The following INPP5D variants were observed in gnomAD, a reference collection of about 807,000 sequenced individuals.
The protein encoded by INPP5D is inositol polyphosphate-5-phosphatase D, also known as phosphatidylinositol 3,4,5-trisphosphate 5-phosphatase 1.
A neutral mutation model predicts 122.9 loss-of-function variants in INPP5D; 33 were observed. The observed-to-expected ratio is 0.27, with a 90% CI of 0.20 to 0.36. INPP5D has a LOEUF of 0.36. INPP5D is among the 10% of genes least tolerant of loss of function. The pLI is 1.00. For synonymous variants in INPP5D, 584 were observed against 576.2 expected (o/e 1.01, Z -0.19); for missense variants, 1,053 against 1,412.7 (o/e 0.75, Z 4.08).
chr2:233,067,918 G>A (rs114979093), intron 1 of INPP5D, among the ~76,000 whole-genome samples: 8,024 of 152,218 alleles, frequency 0.053, 554 homozygotes, highest in African/African-American at 0.16. Context: ...GGACAAAATG[G>A]AAAGATGTGA....
chr2:233,065,849 G>A (rs1691209082), intron 1 of INPP5D, among the ~76,000 whole-genome samples: 2 of 151,668 alleles, frequency 1.3e-5, no homozygotes, highest in African/African-American at 4.9e-5. Flanking sequence ...GTTTCACCAT[G>A]TTGGCTAGGC....
chr2:233,091,333 GCAAA>G (rs1445973397), intron 2 of INPP5D, among the ~76,000 whole-genome samples: 1 of 152,188 alleles, frequency 6.6e-6, no homozygotes, highest in East Asian at 1.9e-4. Context: ...ACAAATTTCA[GCAAA>G]CAGAGGGGTT....
chr2:233,204,139 G>T lies in INPP5D; in HGVS notation c.2989G>T (p.Gly997Trp). 1 of 1,555,300 alleles carries T rather than the reference G, an allele frequency of 6.4e-7. No homozygotes were observed. Among genetic ancestry groups the T allele is most frequent in the East Asian group, 2.4e-5 (1 of 41,766 alleles). ...RTQESRPSDL[G>W]KNAGDTLPQE... ...CCCTGGCTCTAGGCCCAGTGACCTG[G>T]GGAAGAACGCAGGGGACACGCTGCC... is the stretch of plus-strand genomic sequence containing the variant. Residue 997 changes from glycine (G) to tryptophan (W), a missense_variant, in exon 26 of 27, where the codon GGG (glycine) becomes TGG (tryptophan). Transcript: ENST00000445964.
intron 2 of INPP5D, among the ~76,000 whole-genome samples, chr2:233,107,759 G>C (rs986985021): frequency 6.6e-6 from 1 of 152,120 alleles, no homozygotes; most frequent in African/African-American, 2.4e-5. Flanking sequence ...GGGAAGAACC[G>C]GGTGTCTGGG....
Position 233,078,227 on chromosome 2 carries a change from T to C in INPP5D, c.135-1108T>C, listed in dbSNP as rs1691577556. ...TTCAGCAGGCTGAGGGCCACCGCAG[T>C]GTGCCCCTCTCCCAAGGTGCTAGCA... is the stretch of plus-strand genomic sequence containing the variant. On this transcript the variant is annotated intron_variant, in intron 1 of 26. Transcript: ENST00000445964. The surrounding 1 kb of genome is among the most constrained non-coding windows in gnomAD (Gnocchi z 4.6). 6.6e-6 allele frequency among the ~76,000 whole-genome samples: 1 copy of C among 152,224 alleles called. No individual in the cohort carries two copies. The highest frequency in any genetic ancestry group is 2.4e-5 in the African/African-American group (1 of 41,454).
At chr2:233,107,324 A>C (rs142771684) in intron 2 of INPP5D, among the ~76,000 whole-genome samples, 1 of 152,194 alleles carries the variant, frequency 6.6e-6, no homozygotes, top group African/African-American at 2.4e-5. Context: ...GGGCTTTTAC[A>C]TGTGTACTCC....
intron 2 of INPP5D, among the ~76,000 whole-genome samples, chr2:233,094,523 A>C (rs1396105313): frequency 1.5e-4 from 22 of 149,642 alleles, no homozygotes; most frequent in African/African-American, 2.5e-4. Flanking sequence ...AAAAAAAAAA[A>C]AAAAAAAAAA....
chr2:233,137,877 TATATATATATATATATATATAC>T lies in INPP5D; in HGVS notation c.666-1963_666-1942del, dbSNP rs1693525612. Among the ~76,000 whole-genome samples, 2 of 59,384 alleles carry T rather than the reference TATATATATATATATATATATAC, an allele frequency of 3.4e-5. 1 individual carries two copies. Among genetic ancestry groups the T allele is most frequent in the Non-Finnish European group, 7.1e-5 (2 of 28,062 alleles). The allele number at this position is 59,384 out of a possible 152,430, so 39.0% of individuals were successfully genotyped here. A position where few individuals can be genotyped will look rare whatever the true frequency, so the allele number is the denominator to read the frequency against. ...AAATATATATATATATATATATATA[TATATATATATATATATATATAC>T]ACACACACACACACATACACATAAT... On this transcript the variant is annotated intron_variant, in intron 5 of 26. Transcript: ENST00000445964.
chr2:233,086,995 A>G (rs1430340307), intron 2 of INPP5D, among the ~76,000 whole-genome samples: 1 of 152,064 alleles, frequency 6.6e-6, no homozygotes, highest in Non-Finnish European at 1.5e-5. Flanking sequence ...CTCTTTCTCT[A>G]ACCCTGACCA....
At chr2:233,138,871 G>A (rs1208762210) in intron 5 of INPP5D, among the ~76,000 whole-genome samples, 3 of 151,546 alleles carry the variant, frequency 2.0e-5, no homozygotes, top group Admixed American at 6.6e-5. Flanking sequence ...TCAGTCTTCC[G>A]AGTAGCTGGA....
chr2:233,180,262 G>A (rs565079074), intron 18 of INPP5D, among the ~76,000 whole-genome samples: 11 of 152,052 alleles, frequency 7.2e-5, no homozygotes, highest in South Asian at 4.1e-4. Context: ...CTGGGTCTTT[G>A]AGGGTCACCC....
At chr2:233,146,473 G>T (rs531004050) in intron 8 of INPP5D, 35 bp downstream of exon 8, 87 of 703,218 alleles carry the variant, frequency 1.2e-4, no homozygotes, top group South Asian at 1.2e-3. Context: ...CCTGGGCTTG[G>T]GCTCCACAGC....
intron 5 of INPP5D, among the ~76,000 whole-genome samples, chr2:233,134,335 G>T (rs1559311241): frequency 1.3e-5 from 2 of 152,034 alleles, no homozygotes; most frequent in South Asian, 2.1e-4. Flanking sequence ...TGGGGGTAAG[G>T]TCACTGCAGG....
At chr2:233,135,089 T>TCA (rs1693432044) in intron 5 of INPP5D, among the ~76,000 whole-genome samples, 1 of 148,610 alleles carries the variant, frequency 6.7e-6, no homozygotes, top group Non-Finnish European at 1.5e-5. Flanking sequence ...ATGTATACAA[T>TCA]AAAAAAAAAA....
At chr2:233,096,520 C>T (rs1041449306) in intron 2 of INPP5D, among the ~76,000 whole-genome samples, 3 of 152,030 alleles carry the variant, frequency 2.0e-5, no homozygotes, top group Non-Finnish European at 4.4e-5. Context: ...GGCGTGGTGG[C>T]GCATGCCTGT....
chr2:233,067,683 C>T (rs1691265026), intron 1 of INPP5D, among the ~76,000 whole-genome samples: 1 of 152,212 alleles, frequency 6.6e-6, no homozygotes, highest in East Asian at 1.9e-4. Context: ...GTCTCCACTT[C>T]CCTACCAGCA....
intron 2 of INPP5D, among the ~76,000 whole-genome samples, chr2:233,089,309 G>C (rs2106220428): frequency 6.6e-6 from 1 of 152,282 alleles, no homozygotes; most frequent in East Asian, 1.9e-4. Flanking sequence ...TTTAATCCTG[G>C]GGAAGGGTTT....
rs557373012 is a variant in INPP5D, at chr2:233,128,145, C to T, written c.524+2226C>T. ...CATTAGATTCTCATGAGTGTGAACC[C>T]GGTTGTGAACTGTGCACTTGAGGGA... On this transcript the variant is annotated intron_variant, in intron 4 of 26. Coordinates refer to ENST00000445964, the MANE Select transcript of INPP5D (RefSeq NM_001017915.3). The surrounding 1 kb of genome is among the most constrained non-coding windows in gnomAD (Gnocchi z 4.5). 2.1e-4 allele frequency among the ~76,000 whole-genome samples: 32 copies of T among 152,242 alleles called. No individual in the cohort carries two copies. Among genetic ancestry groups the T allele is most frequent in the African/African-American group, 7.0e-4 (29 of 41,530 alleles).
At chr2:233,062,601 A>G (rs1205791519) in intron 1 of INPP5D, among the ~76,000 whole-genome samples, 1 of 152,082 alleles carries the variant, frequency 6.6e-6, no homozygotes, top group African/African-American at 2.4e-5. Context: ...TTAGAGAGGG[A>G]CCTGTGGTGC....
Sources: gnomAD v4.1 joint callset for allele counts (sites outside exome capture counted in the v4.1 genomes callset) on GRCh38, gnomAD v4.1.1 for gene constraint, Gnocchi (gnomAD v3.1) non-coding constraint, MANE v1.5 for transcripts, NCBI Gene and HGNC (gene_info 2026-07-23, HGNC 2026-07-21) for gene names.